Variants in GCSAML observed in about 807,000 individuals in gnomAD.
GCSAML encodes germinal center-associated signaling and motility-like protein.
A neutral mutation model predicts 13.0 loss-of-function variants in GCSAML; 9 were observed. That is an observed-to-expected ratio of 0.69 (90% confidence interval 0.42 to 1.21). The LOEUF is 1.21. Among genes scored for constraint, GCSAML ranks in the 50% most tolerant of loss-of-function variants. The pLI, the probability that GCSAML is intolerant of heterozygous loss-of-function variation, is 0.00. For synonymous variants in GCSAML, 37 were observed against 52.9 expected, an observed-to-expected ratio of 0.70 and a Z score of 1.31; for missense variants, 143 against 153.4, an observed-to-expected ratio of 0.93 and a Z score of 0.36.
At chr1:247,553,350 A>G (rs1667844885) in intron 1 of GCSAML, among the ~76,000 whole-genome samples, 1 of 152,210 alleles carries the variant, frequency 6.6e-6, no homozygotes, top group East Asian at 1.9e-4. Flanking sequence ...CATAGTTAAT[A>G]TATCATCTAT....
At chr1:247,537,775 C>G (rs916066670) in intron 2 of GCSAML, among the ~76,000 whole-genome samples, 1 of 151,780 alleles carries the variant, frequency 6.6e-6, no homozygotes, top group Non-Finnish European at 1.5e-5. Flanking sequence ...TTTTAATGTG[C>G]TTGTTGGCCA....
chr1:247,572,586 A>C (rs977105032), intron 4 of GCSAML, among the ~76,000 whole-genome samples: 4 of 152,206 alleles, frequency 2.6e-5, no homozygotes, highest in African/African-American at 7.2e-5. Context: ...GCTTTGTCCC[A>C]GCAGGGCACC....
intron 1 of GCSAML, among the ~76,000 whole-genome samples, chr1:247,555,122 T>C (rs1667905946): frequency 6.6e-6 from 1 of 150,710 alleles, no homozygotes; most frequent in Admixed American, 6.6e-5. Flanking sequence ...TGGTGTGGAA[T>C]TCCAATTAGG....
At chr1:247,523,608 A>T (rs567024158) in intron 1 of GCSAML, among the ~76,000 whole-genome samples, 1 of 152,216 alleles carries the variant, frequency 6.6e-6, no homozygotes, top group African/African-American at 2.4e-5. Context: ...TCCAGACATT[A>T]ATTTAAAAAT....
At chr1:247,517,894 C>T (rs1666268890) in intron 1 of GCSAML, among the ~76,000 whole-genome samples, 1 of 152,150 alleles carries the variant, frequency 6.6e-6, no homozygotes, top group Non-Finnish European at 1.5e-5. Context: ...CGCGGGGTGA[C>T]GCCATTCTGC....
intron 1 of GCSAML, among the ~76,000 whole-genome samples, chr1:247,524,475 G>C (rs73146555): frequency 6.6e-6 from 1 of 152,114 alleles, no homozygotes; most frequent in Non-Finnish European, 1.5e-5. Flanking sequence ...GCAGTTGATC[G>C]TATCTCTTAA....
chr1:247,544,092 A>G (rs934395560), intron 2 of GCSAML, among the ~76,000 whole-genome samples: 2 of 152,336 alleles, frequency 1.3e-5, no homozygotes, highest in African/African-American at 4.8e-5. Context: ...ACATGTCACT[A>G]AAAGAAACAC....
chr1:247,522,415 T>G (rs924090641), intron 1 of GCSAML, among the ~76,000 whole-genome samples: 2 of 152,098 alleles, frequency 1.3e-5, no homozygotes, highest in Admixed American at 1.3e-4. Context: ...CTGGGAGGTG[T>G]ACCCCACAGC....
At chr1:247,513,201 C>G (rs999248575) in intron 1 of GCSAML, among the ~76,000 whole-genome samples, 2 of 152,180 alleles carry the variant, frequency 1.3e-5, no homozygotes, top group Non-Finnish European at 2.9e-5. Context: ...TTCAGAGATG[C>G]CCTGCCCAGA....
chr1:247,543,855 T>A lies in GCSAML; in HGVS notation c.-147-5190T>A, dbSNP rs144177448. ...CCCAGGCTGGAGTGCAGTGGCATGA[T>A]CATAGCTCACTGCAGCTTCAAACTC... On this transcript the variant is annotated intron_variant, in intron 2 of 5. Transcript: ENST00000366489. 3.2e-3 allele frequency among the ~76,000 whole-genome samples: 482 copies of A among 152,150 alleles called. 20 individuals are homozygous for A. In the East Asian group the frequency reaches 0.072, roughly 23 times the overall value.
At chr1:247,573,915 A>G (rs774121634) in intron 4 of GCSAML, among the ~76,000 whole-genome samples, 3 of 151,994 alleles carry the variant, frequency 2.0e-5, no homozygotes, top group Non-Finnish European at 4.4e-5. Flanking sequence ...TTCCCTTGTA[A>G]GTTGCATTCC....
In GCSAML at chr1:247,556,368, A is replaced by G. The variant is rs375650285; in HGVS notation, c.30-39A>G. On this transcript the variant is annotated intron_variant, in intron 1 of 4. Transcript: ENST00000366488. The stretch of plus-strand genomic sequence containing the variant: ...AAGAAGGTGAAAAAATGTGGAGGGC[A>G]GTAACAATCTCTCTTTTTTCTTATG... 1.1e-5 allele frequency: 16 copies of G among 1,417,418 alleles called. No homozygotes were observed. In the African/African-American group the frequency reaches 1.4e-4, roughly 13 times the overall value. 87.8% of individuals were successfully genotyped at this position (1,417,418 alleles called of 1,614,324 possible).
intron 4 of GCSAML, among the ~76,000 whole-genome samples, chr1:247,573,219 G>A (rs1160697297): frequency 6.6e-6 from 1 of 152,116 alleles, no homozygotes; most frequent in Non-Finnish European, 1.5e-5. Flanking sequence ...ACTGAGGTAT[G>A]AAAAAAACTC....
chr1:247,516,749 C>T (rs76107650), intron 1 of GCSAML, among the ~76,000 whole-genome samples: 1,843 of 152,216 alleles, frequency 0.012, 41 homozygotes, highest in African/African-American at 0.042. Context: ...TACACTACAA[C>T]CTAACTTCTT....
chr1:247,564,380 C>T (rs1221771146), intron 3 of GCSAML, among the ~76,000 whole-genome samples: 1 of 75,730 alleles, frequency 1.3e-5, no homozygotes, highest in African/African-American at 5.0e-5. Context: ...AAGAGCCTGT[C>T]TTAAAAAAAA....
intron 1 of GCSAML, among the ~76,000 whole-genome samples, chr1:247,551,043 A>G (rs1423304946): frequency 6.6e-6 from 1 of 152,230 alleles, no homozygotes; most frequent in Non-Finnish European, 1.5e-5. Context: ...CTATAAAATT[A>G]TGAATCTTAC....
chr1:247,565,685 A>G (rs1407889990), intron 3 of GCSAML: 2 of 429,420 alleles, frequency 4.7e-6, no homozygotes, highest in Non-Finnish European at 8.2e-6. Context: ...AATGTGCTTT[A>G]TTTACAGAAA....
At chr1:247,536,557 A>G (rs1345752241) in intron 2 of GCSAML, 1 of 152,204 alleles carries the variant, frequency 6.6e-6, no homozygotes, top group East Asian at 1.9e-4. Context: ...AGTCCTTATA[A>G]TTCTAAGACA....
rs533809693 is a variant in GCSAML at position 247,567,683 on chromosome 1, G to C, written c.168+1724G>C. Among the ~76,000 whole-genome samples the C allele has an allele frequency of 1.3e-4, 20 of 152,242 alleles. No individual in the cohort carries two copies. In the South Asian group the frequency reaches 4.2e-3, roughly 32 times the overall value. On this transcript the variant is annotated intron_variant, in intron 4 of 4. Coordinates refer to ENST00000366488, the MANE Select transcript of GCSAML (RefSeq NM_145278.5). ...AGTAGAACGATTTATAATCCTTTGG[G>C]TATATACCCAGTAATGGGATTGCTG...
Sources: allele counts gnomAD v4.1 joint callset (sites outside exome capture counted in the v4.1 genomes callset), GRCh38; gene constraint gnomAD v4.1.1; transcripts MANE v1.5; gene names NCBI Gene and HGNC (gene_info 2026-07-23, HGNC 2026-07-21).